CDH12: variants seen among roughly 807,000 people sequenced by gnomAD.
The protein encoded by CDH12 is cadherin 12.
CDH12 carries 41 observed loss-of-function variants against 74.1 expected under a neutral mutation model. The ratio of observed to expected loss-of-function variants is 0.55; its 90% CI spans 0.43 to 0.72. The LOEUF (loss-of-function observed/expected upper bound fraction) is 0.72. Ranked by LOEUF, CDH12 falls within the 30% of genes least tolerant of loss-of-function variation. CDH12 has a pLI of 0.00. For missense variants in CDH12, 945 were observed against 977.2 expected, an observed-to-expected ratio of 0.97 and a Z score of 0.44; for synonymous variants, 399 against 355.0, an observed-to-expected ratio of 1.12 and a Z score of -1.39.
Position 22,762,255 on chromosome 5 carries a change from T to C in CDH12, c.-523+90803A>G, listed in dbSNP as rs138370659. Among the ~76,000 whole-genome samples the C allele has an allele frequency of 4.9e-3, 744 of 152,156 alleles. 6 individuals are homozygous for C. The highest frequency in any genetic ancestry group is 0.017 in the African/African-American group (716 of 41,550). On this transcript the variant is annotated intron_variant, in intron 1 of 14. Coordinates refer to ENST00000382254, the MANE Select transcript of CDH12 (RefSeq NM_004061.5). Reference sequence around the variant, plus strand: ...AGAAAATCAATAATTTTTAAATGCATGAGTCCCATGGAGAAGAAGTAATAA... The same window carrying C: ...AGAAAATCAATAATTTTTAAATGCACGAGTCCCATGGAGAAGAAGTAATAA...
In CDH12 at chr5:22,003,444, A is replaced by G. The variant is rs1736727146; in HGVS notation, c.232-28059T>C. On this transcript the variant is annotated intron_variant, in intron 5 of 14. Coordinates refer to ENST00000382254, the MANE Select transcript of CDH12 (RefSeq NM_004061.5). ...TTATAGATGCAGTAATCTCAAGCCTAGCACTTTCATTCAATCATAGATTCT... is the reference window on the plus strand; with the variant it reads ...TTATAGATGCAGTAATCTCAAGCCTGGCACTTTCATTCAATCATAGATTCT... Among the ~76,000 whole-genome samples the G allele has an allele frequency of 4.0e-5, 6 of 151,608 alleles. No homozygotes were observed. In the South Asian group the frequency reaches 1.2e-3, roughly 31 times the overall value.
In CDH12 at chr5:22,197,127, G is replaced by C. The variant is rs540459466; in HGVS notation, c.-187+15371C>G. On this transcript the variant is annotated intron_variant, in intron 4 of 14. Transcript: ENST00000382254. ...CTGTTTGTTGCATTTCTAACACAGG[G>C]GCCTTCAATACCTCAACTTAAAGAA... 4.6e-5 allele frequency among the ~76,000 whole-genome samples: 7 copies of C among 152,070 alleles called. No individual in the cohort carries two copies. The South Asian group carries it at 1.3e-3, about 27-fold the overall frequency.
At chr5:22,117,523 A>AATATATATATATAAT (rs1745242497) in intron 4 of CDH12, among the ~76,000 whole-genome samples, 9 of 65,564 alleles carry the variant, frequency 1.4e-4, no homozygotes, top group African/African-American at 4.2e-4. Context: ...ATATATATAT[A>AATATATATATATAAT]ATATATATAT....
At chr5:22,584,716 A>G (rs1382294352) in intron 1 of CDH12, among the ~76,000 whole-genome samples, 1 of 151,992 alleles carries the variant, frequency 6.6e-6, no homozygotes, top group Non-Finnish European at 1.5e-5. Flanking sequence ...TGTTCTGATT[A>G]CTTTTTGTCA....
intron 1 of CDH12, among the ~76,000 whole-genome samples, chr5:22,850,148 T>A (rs1473753925): frequency 6.6e-6 from 1 of 152,100 alleles, no homozygotes; most frequent in Non-Finnish European, 1.5e-5. Flanking sequence ...TCACTTAATA[T>A]GTTGTAAAAA....
At chr5:22,578,345 A>G (rs910232455) in intron 1 of CDH12, among the ~76,000 whole-genome samples, 7 of 149,008 alleles carry the variant, frequency 4.7e-5, no homozygotes, top group Non-Finnish European at 1.0e-4. Flanking sequence ...TTCCTAAACC[A>G]TGATATGAAC....
intron 6 of CDH12, among the ~76,000 whole-genome samples, chr5:21,895,706 G>A (rs1248325733): frequency 6.6e-6 from 1 of 152,202 alleles, no homozygotes; most frequent in South Asian, 2.1e-4. Context: ...TCAGGGACTG[G>A]AGTTGAATTC....
chr5:22,835,488 T>C (rs1482012136), intron 1 of CDH12, among the ~76,000 whole-genome samples: 1 of 152,114 alleles, frequency 6.6e-6, no homozygotes, highest in African/African-American at 2.4e-5. Context: ...GAAGTAAATA[T>C]TCATTTTTAT....
At chr5:22,054,194 T>C (rs2150197349) in intron 5 of CDH12, among the ~76,000 whole-genome samples, 1 of 152,216 alleles carries the variant, frequency 6.6e-6, no homozygotes, top group South Asian at 2.1e-4. Context: ...TCCTACTCTT[T>C]CAAGAAACTT....
intron 1 of CDH12, among the ~76,000 whole-genome samples, chr5:22,621,103 AG>A (rs1320051857): frequency 6.9e-4 from 105 of 152,312 alleles, no homozygotes; most frequent in African/African-American, 2.4e-3. Flanking sequence ...CAGTTTCTAG[AG>A]ACCACCTGTA....
intron 3 of CDH12, among the ~76,000 whole-genome samples, chr5:22,304,101 GC>G (rs1738005573): frequency 6.6e-6 from 1 of 152,004 alleles, no homozygotes; most frequent in South Asian, 2.1e-4. Flanking sequence ...ATATTACTCA[GC>G]ATGTTGATAA....
At position 22,683,299 on chromosome 5, in the gene CDH12, T is replaced by C. The variant is rs530478771; in HGVS notation, c.-523+169759A>G. Among the ~76,000 whole-genome samples, 124 of 152,302 alleles carry C rather than the reference T, an allele frequency of 8.1e-4. No homozygotes were observed. In the South Asian group the frequency reaches 0.021, roughly 26 times the overall value. On this transcript the variant is annotated intron_variant, in intron 1 of 14. Transcript: ENST00000382254. ...ATGGATCTTGCCTAAGGCTGATTAA[T>C]GATTTCAGAGCTGGAACAGTGATTT...
intron 4 of CDH12, among the ~76,000 whole-genome samples, chr5:22,153,881 T>A (rs1747797889): frequency 2.7e-4 from 15 of 55,192 alleles, no homozygotes; most frequent in East Asian, 9.4e-4. Flanking sequence ...TGTATATATA[T>A]ATATATAAAT....
chr5:22,437,520 G>A (rs2126534527), intron 2 of CDH12, among the ~76,000 whole-genome samples: 1 of 148,836 alleles, frequency 6.7e-6, no homozygotes, highest in Middle Eastern at 3.5e-3. Context: ...AAATTTCAAA[G>A]CAGACTGTAG....
At chr5:22,199,985 T>C (rs570731075) in intron 4 of CDH12, among the ~76,000 whole-genome samples, 1 of 152,342 alleles carries the variant, frequency 6.6e-6, no homozygotes, top group South Asian at 2.1e-4. Context: ...TCTGCAAGGA[T>C]TGCAATTTCC....
At chr5:22,710,563 G>A (rs7732630) in intron 1 of CDH12, among the ~76,000 whole-genome samples, 77,484 of 151,784 alleles carry the variant, frequency 0.51, 20,381 homozygotes, top group Non-Finnish European at 0.57. Flanking sequence ...CTGAGGGTAA[G>A]GATTTTTGCT....
chr5:22,765,678 C>T (rs1337069469), intron 1 of CDH12, among the ~76,000 whole-genome samples: 1 of 151,834 alleles, frequency 6.6e-6, no homozygotes, highest in East Asian at 1.9e-4. Flanking sequence ...CCATCGGTAA[C>T]AGATTTTTTT....
rs191702898 is a variant in CDH12 at position 21,883,385 on chromosome 5, T to C, written c.527-28595A>G. 321 of 1,551,948 alleles carry C rather than the reference T, an allele frequency of 2.1e-4. 1 individual carries two copies. The African/African-American group carries it at 4.0e-3, about 19-fold the overall frequency. ...TTGTACCTGCTCTTGAAATTGCCAA[T>C]GCTCACCATAAGCCTTTGGTGATAA... is the stretch of plus-strand genomic sequence containing the variant. On this transcript the variant is annotated intron_variant, in intron 6 of 14. Transcript: ENST00000382254.
In CDH12 at chr5:21,975,891, A is replaced by C. The variant is rs534965848; in HGVS notation, c.232-506T>G. 2.0e-5 allele frequency among the ~76,000 whole-genome samples: 3 copies of C among 152,248 alleles called. No homozygotes were observed. In the South Asian group the frequency reaches 6.2e-4, roughly 32 times the overall value. ...TGTACTTATTGTTTCATTTTAAATA[A>C]ACATTGCAATAAAAATAAATTAGCT... On this transcript the variant is annotated intron_variant, in intron 5 of 14. Transcript: ENST00000382254.
Sources: allele counts gnomAD v4.1 joint callset (sites outside exome capture counted in the v4.1 genomes callset), GRCh38; gene constraint gnomAD v4.1.1; transcripts MANE v1.5; gene names NCBI Gene and HGNC (gene_info 2026-07-23, HGNC 2026-07-21).